Variants in ZNF804B observed in about 807,000 individuals in gnomAD.
The protein encoded by ZNF804B is zinc finger 804B.
In ZNF804B, 80 loss-of-function variants were observed where a neutral mutation model predicts 101.4. The observed-to-expected ratio is 0.79, with a 90% confidence interval of 0.66 to 0.95. The LOEUF (loss-of-function observed/expected upper bound fraction) is 0.95. Among genes scored for constraint, ZNF804B ranks in the 40% least tolerant of loss-of-function variants. The pLI, the probability that ZNF804B is intolerant of heterozygous loss-of-function variation, is 0.00. For synonymous variants in ZNF804B, 622 were observed against 558.8 expected, an observed-to-expected ratio of 1.11 and a Z score of -1.59; for missense variants, 1,673 against 1,561.9, an observed-to-expected ratio of 1.07 and a Z score of -1.20.
At chr7:89,136,838 C>T (rs948213845) in intron 1 of ZNF804B, among the ~76,000 whole-genome samples, 2 of 151,856 alleles carry the variant, frequency 1.3e-5, no homozygotes, top group Non-Finnish European at 2.9e-5. Flanking sequence ...TTGTAGGAGG[C>T]ACTGGGTGGG....
intron 1 of ZNF804B, among the ~76,000 whole-genome samples, chr7:89,187,086 T>C (rs1220319710): frequency 6.6e-6 from 1 of 152,168 alleles, no homozygotes; most frequent in African/African-American, 2.4e-5. Flanking sequence ...AGAGCACAAA[T>C]ATCAGAGTCC....
intron 1 of ZNF804B, among the ~76,000 whole-genome samples, chr7:89,121,805 G>A (rs1366736412): frequency 1.3e-5 from 2 of 151,998 alleles, no homozygotes. Context: ...GCAGAACCAG[G>A]TGGTACCACA....
chr7:88,893,684 C>T (rs1792245921), intron 1 of ZNF804B, among the ~76,000 whole-genome samples: 1 of 152,030 alleles, frequency 6.6e-6, no homozygotes, highest in Non-Finnish European at 1.5e-5. Flanking sequence ...ACTCAGATAC[C>T]AACACTTCCC....
chr7:88,894,788 A>G (rs1792263133), intron 1 of ZNF804B, among the ~76,000 whole-genome samples: 1 of 152,148 alleles, frequency 6.6e-6, no homozygotes, highest in South Asian at 2.1e-4. Context: ...TTGATGATAT[A>G]ATATTCTAGA....
intron 1 of ZNF804B, among the ~76,000 whole-genome samples, chr7:88,881,979 A>G (rs551940137): frequency 1.3e-5 from 2 of 152,284 alleles, no homozygotes; most frequent in Admixed American, 1.3e-4. Context: ...TCAGTAGAAA[A>G]TATAGCTAAT....
chr7:89,291,610 A>T (rs1028860198), intron 2 of ZNF804B, among the ~76,000 whole-genome samples: 2 of 152,152 alleles, frequency 1.3e-5, no homozygotes, highest in Non-Finnish European at 2.9e-5. Flanking sequence ...ATAAAAAAGG[A>T]TGAAGCACAC....
In ZNF804B at chr7:88,898,073, C is replaced by CTT. The variant is rs869050718; in HGVS notation, c.108+138019_108+138020dup. 4.1e-3 allele frequency among the ~76,000 whole-genome samples: 231 copies of CTT among 56,606 alleles called. 40 individuals carry two copies. The highest frequency in any genetic ancestry group is 0.02 in the East Asian group (33 of 1,666). 37.1% of individuals were successfully genotyped at this position (56,606 alleles called of 152,430 possible). On this transcript the variant is annotated intron_variant, in intron 1 of 3. Coordinates refer to ENST00000333190, the MANE Select transcript of ZNF804B (RefSeq NM_181646.5). ...CCTCCTTCCTATATTACTTCTCCAT[C>CTT]TTTTTTTTTTTTTTTTTTTTTTTTT... is the stretch of plus-strand genomic sequence containing the variant.
At chr7:89,146,500 T>C (rs1012998739) in intron 1 of ZNF804B, among the ~76,000 whole-genome samples, 1 of 152,046 alleles carries the variant, frequency 6.6e-6, no homozygotes, top group African/African-American at 2.4e-5. Context: ...GGAAATAAAA[T>C]AAAGTCATTC....
chr7:88,986,192 C>G (rs1229996591), intron 1 of ZNF804B, among the ~76,000 whole-genome samples: 1 of 152,080 alleles, frequency 6.6e-6, no homozygotes, highest in East Asian at 1.9e-4. Flanking sequence ...CTAGTTCTAT[C>G]CCAATAATTG....
chr7:89,135,119 A>C (rs1250359014), intron 1 of ZNF804B, among the ~76,000 whole-genome samples: 8 of 152,146 alleles, frequency 5.3e-5, no homozygotes, highest in Non-Finnish European at 7.4e-5. Context: ...AAAGCGAATC[A>C]AGACCAAGCT....
chr7:89,218,326 T>G, intron 2 of ZNF804B, 31 bp downstream of exon 2: 1 of 1,612,124 alleles, frequency 6.2e-7, no homozygotes, highest in Non-Finnish European at 8.5e-7. Flanking sequence ...TCCTTCATAT[T>G]CCTGTATTTA....
intron 1 of ZNF804B, among the ~76,000 whole-genome samples, chr7:88,875,893 T>C (rs1377222380): frequency 6.6e-6 from 1 of 152,168 alleles, no homozygotes; most frequent in East Asian, 1.9e-4. Context: ...TTGATGAACA[T>C]TGATGCAAAA....
chr7:89,130,866 TA>T (rs1465195392), intron 1 of ZNF804B, among the ~76,000 whole-genome samples: 2 of 152,024 alleles, frequency 1.3e-5, no homozygotes, highest in African/African-American at 4.8e-5. Flanking sequence ...GTCTTATTAC[TA>T]AAGAAACAAT....
chr7:88,980,547 G>A (rs1029955576), intron 1 of ZNF804B, among the ~76,000 whole-genome samples: 2 of 152,116 alleles, frequency 1.3e-5, no homozygotes, highest in Admixed American at 1.3e-4. Context: ...GACCAGTCAT[G>A]TTGTGACTCT....
intron 1 of ZNF804B, among the ~76,000 whole-genome samples, chr7:89,085,895 T>C (rs1358823761): frequency 6.6e-6 from 1 of 152,016 alleles, no homozygotes; most frequent in East Asian, 1.9e-4. Context: ...CCCTCAAAAA[T>C]ATAATAGAGT....
chr7:88,809,796 T>C (rs1018980823), intron 1 of ZNF804B, among the ~76,000 whole-genome samples: 1 of 152,208 alleles, frequency 6.6e-6, no homozygotes, highest in Non-Finnish European at 1.5e-5. Context: ...GAGTGAGTGC[T>C]TCCTGCCCCA....
At chr7:89,064,173 T>G (rs1789417926) in intron 1 of ZNF804B, among the ~76,000 whole-genome samples, 1 of 152,152 alleles carries the variant, frequency 6.6e-6, no homozygotes, top group Admixed American at 6.6e-5. Flanking sequence ...TACCCAGAGT[T>G]GTCCTACCTT....
intron 1 of ZNF804B, among the ~76,000 whole-genome samples, chr7:88,988,508 A>G (rs1793797631): frequency 6.6e-6 from 1 of 152,142 alleles, no homozygotes; most frequent in African/African-American, 2.4e-5. Context: ...GTTAATAACA[A>G]CTATTGCAAA....
At chr7:89,005,854 C>T (rs1788363313) in intron 1 of ZNF804B, among the ~76,000 whole-genome samples, 1 of 152,062 alleles carries the variant, frequency 6.6e-6, no homozygotes, top group Non-Finnish European at 1.5e-5. Context: ...TGATTTTTCT[C>T]CTTTTCTACA....
Sources: allele counts gnomAD v4.1 joint callset (sites outside exome capture counted in the v4.1 genomes callset), GRCh38; gene constraint gnomAD v4.1.1; transcripts MANE v1.5; gene names NCBI Gene and HGNC (gene_info 2026-07-23, HGNC 2026-07-21).